The following SORBS2 variants were observed in gnomAD, a reference collection of about 807,000 sequenced individuals.
The protein encoded by SORBS2 is sorbin and SH3 domain containing 2, also known as sorbin and SH3 domain-containing protein 2.
Under a neutral mutation model 97.7 loss-of-function variants are expected in SORBS2, and 46 were observed. The ratio of observed to expected loss-of-function variants is 0.47; its 90% CI spans 0.37 to 0.60. SORBS2 has a LOEUF of 0.60. SORBS2 is among the 20% of genes least tolerant of loss of function. The pLI, the probability that SORBS2 is intolerant of heterozygous loss-of-function variation, is 0.00. For synonymous variants in SORBS2, 476 were observed against 473.4 expected, an observed-to-expected ratio of 1.01 and a Z score of -0.07; for missense variants, 1,316 against 1,282.3, an observed-to-expected ratio of 1.03 and a Z score of -0.40.
At chr4:185,927,777 CA>C (rs1314474410) in intron 1 of SORBS2, among the ~76,000 whole-genome samples, 2 of 151,978 alleles carry the variant, frequency 1.3e-5, no homozygotes, top group Non-Finnish European at 2.9e-5. Context: ...CATCTTTTCC[CA>C]AAAATGAATC....
intron 2 of SORBS2, among the ~76,000 whole-genome samples, chr4:185,745,251 T>C (rs2098752852): frequency 6.6e-6 from 1 of 152,088 alleles, no homozygotes; most frequent in South Asian, 2.1e-4. Context: ...AGTGTCTCTA[T>C]CCGAGAGTGC....
intron 1 of SORBS2, among the ~76,000 whole-genome samples, chr4:185,867,920 C>T (rs1165857324): frequency 6.6e-6 from 1 of 152,080 alleles, no homozygotes; most frequent in Non-Finnish European, 1.5e-5. Flanking sequence ...CTATTCATAG[C>T]ACAAATAGTG....
At chr4:185,647,208 C>T (rs934632330) in intron 3 of SORBS2, among the ~76,000 whole-genome samples, 1 of 152,084 alleles carries the variant, frequency 6.6e-6, no homozygotes. Flanking sequence ...TGGCGTGCAC[C>T]AGAGCAGGCA....
chr4:185,818,642 C>T (rs964156459), intron 1 of SORBS2, among the ~76,000 whole-genome samples: 7 of 151,766 alleles, frequency 4.6e-5, no homozygotes, highest in Non-Finnish European at 8.8e-5. Context: ...CTGGCTAACA[C>T]GGTGAAACCC....
chr4:185,934,508 C>T (rs2099267984), intron 1 of SORBS2, among the ~76,000 whole-genome samples: 2 of 152,028 alleles, frequency 1.3e-5, no homozygotes, highest in Non-Finnish European at 2.9e-5. Context: ...CACCTGTAAT[C>T]CCAGCACTTT....
At chr4:185,608,336 C>G (rs2096469271) in intron 12 of SORBS2, among the ~76,000 whole-genome samples, 1 of 152,188 alleles carries the variant, frequency 6.6e-6, no homozygotes, top group Admixed American at 6.5e-5. Flanking sequence ...GCTGAGCTTA[C>G]ATAACTACGG....
chr4:185,704,109 A>G (rs73873309), intron 2 of SORBS2, among the ~76,000 whole-genome samples: 1,833 of 152,298 alleles, frequency 0.012, 43 homozygotes, highest in African/African-American at 0.041. Context: ...CTAGCTTTTA[A>G]TATTATCAAA....
At chr4:185,831,782 G>C (rs182422330) in intron 1 of SORBS2, among the ~76,000 whole-genome samples, 1 of 152,294 alleles carries the variant, frequency 6.6e-6, no homozygotes, top group Non-Finnish European at 1.5e-5. Flanking sequence ...TACACTCTGA[G>C]ATGTTACCAG....
intron 2 of SORBS2, among the ~76,000 whole-genome samples, chr4:185,744,035 A>G (rs1255599359): frequency 2.6e-5 from 2 of 78,408 alleles, no homozygotes; most frequent in Admixed American, 1.9e-4. Flanking sequence ...TCCCATTTCC[A>G]CTTTCTTCCC....
At chr4:185,771,446 C>T (rs2098970815) in intron 2 of SORBS2, 1 of 152,214 alleles carries the variant, frequency 6.6e-6, no homozygotes, top group Non-Finnish European at 1.5e-5. Flanking sequence ...TTCCTCTGCT[C>T]ACTGTACCAG....
Position 185,662,254 on chromosome 4 carries a change from G to A in SORBS2, c.-45-12C>T, listed in dbSNP as rs765500330. 18 of 1,593,468 alleles carry A rather than the reference G, an allele frequency of 1.1e-5. No individual in the cohort carries two copies. In the East Asian group the frequency reaches 1.4e-4, roughly 12 times the overall value. On this transcript the variant is annotated splice_polypyrimidine_tract_variant and intron_variant, in intron 4 of 20. Coordinates refer to the SORBS2 transcript ENST00000284776. The stretch of plus-strand genomic sequence containing the variant: ...ACTGTTATCTGGCTCTGAGAAAAGC[G>A]CAAAGGCATCGAGTTAAATTAGCAC...
chr4:185,724,686 G>C (rs541415580), intron 2 of SORBS2, among the ~76,000 whole-genome samples: 1 of 152,126 alleles, frequency 6.6e-6, no homozygotes, highest in African/African-American at 2.4e-5. Context: ...TTTCACTCTC[G>C]TCTTCGGCCA....
At chr4:185,747,664 G>A (rs531690071) in intron 2 of SORBS2, among the ~76,000 whole-genome samples, 136 of 152,172 alleles carry the variant, frequency 8.9e-4, no homozygotes, top group African/African-American at 3.2e-3. Flanking sequence ...GTTTCTCCTC[G>A]TCCTCCCCCA....
At position 185,810,322 on chromosome 4, in the gene SORBS2, C is replaced by T. The variant is rs528180797; in HGVS notation, c.-337-34956G>A. On this transcript the variant is annotated intron_variant, in intron 1 of 20. Coordinates refer to the SORBS2 transcript ENST00000284776. The stretch of plus-strand genomic sequence containing the variant: ...TTAGGGCTTATGAACATTGCTACAT[C>T]TCTGAAACAGGCGGTTCCTGCCCAT... Among the ~76,000 whole-genome samples, 5 of 152,354 alleles carry T rather than the reference C, an allele frequency of 3.3e-5. No homozygotes were observed. The East Asian group carries it at 9.6e-4, about 29-fold the overall frequency.
chr4:185,587,709 T>G, intron 14 of SORBS2, 21 bp from the exon 27 acceptor site: 1 of 1,594,296 alleles, frequency 6.3e-7, no homozygotes, highest in Non-Finnish European at 8.6e-7. Flanking sequence ...AAGCGAGTCA[T>G]GAAAGGGGGG....
chr4:185,612,742 G>A (rs750892346), intron 11 of SORBS2, among the ~76,000 whole-genome samples: 14 of 152,008 alleles, frequency 9.2e-5, no homozygotes, highest in Non-Finnish European at 1.8e-4. Context: ...TGACCGCCTC[G>A]GCCTCCCAAA....
At chr4:185,823,609 C>G (rs1455345179) in intron 1 of SORBS2, among the ~76,000 whole-genome samples, 1 of 150,314 alleles carries the variant, frequency 6.7e-6, no homozygotes, top group Non-Finnish European at 1.5e-5. Flanking sequence ...TTGAGTTTTC[C>G]TGATATGTTC....
chr4:185,903,845 A>G (rs1156477880), intron 1 of SORBS2, among the ~76,000 whole-genome samples: 2 of 152,172 alleles, frequency 1.3e-5, no homozygotes, highest in Admixed American at 6.5e-5. Flanking sequence ...GGAAGTTATC[A>G]AAAGTATTAA....
chr4:185,745,340 A>C (rs1042935202), intron 2 of SORBS2, among the ~76,000 whole-genome samples: 1 of 152,208 alleles, frequency 6.6e-6, no homozygotes, highest in Non-Finnish European at 1.5e-5. Context: ...TCCCGCAAGT[A>C]AGGAGAGATC....
Sources: gnomAD v4.1 joint callset for allele counts (sites outside exome capture counted in the v4.1 genomes callset) on GRCh38, gnomAD v4.1.1 for gene constraint, MANE v1.5 for transcripts, NCBI Gene and HGNC (gene_info 2026-07-23, HGNC 2026-07-21) for gene names.